Variants in CA8 observed in about 807,000 individuals in gnomAD.
CA8 encodes the protein carbonic anhydrase-related protein.
In CA8, 22 loss-of-function variants were observed where a neutral mutation model predicts 41.4. The observed-to-expected ratio is 0.53, with a 90% CI of 0.38 to 0.76. The LOEUF is 0.76. Ranked by LOEUF, CA8 falls within the 30% of genes least tolerant of loss-of-function variation. The pLI is 0.00. For missense variants in CA8, 270 were observed against 352.8 expected, an observed-to-expected ratio of 0.77 and a Z score of 1.88; for synonymous variants, 121 against 130.6, an observed-to-expected ratio of 0.93 and a Z score of 0.50.
At chr8:60,225,551 C>A (rs1563354771) in intron 5 of CA8, among the ~76,000 whole-genome samples, 1 of 152,184 alleles carries the variant, frequency 6.6e-6, no homozygotes, top group Non-Finnish European at 1.5e-5. Flanking sequence ...CTGGGCATCC[C>A]TTGGAAGCTG....
chr8:60,188,823 T>C lies in CA8; in HGVS notation c.*1198A>G, dbSNP rs1806034053. 6.6e-6 allele frequency: 1 copy of C among 152,192 alleles called. No individual in the cohort carries two copies. The highest frequency in any genetic ancestry group is 2.1e-4 in the South Asian group (1 of 4,832). The allele number at this position is 152,192 out of a possible 1,614,324, so 9.4% of individuals were successfully genotyped here. A position where few individuals can be genotyped will look rare whatever the true frequency, so the allele number is the denominator to read the frequency against. ...TGTGATTTTCATTTGTATTTAATGCTTCCATTATTACCGTCTCTACTCAAC... is the reference window on the plus strand; with the variant it reads ...TGTGATTTTCATTTGTATTTAATGCCTCCATTATTACCGTCTCTACTCAAC... On this transcript the variant is annotated 3_prime_UTR_variant, in exon 9 of 9. Transcript: ENST00000317995.
At chr8:60,227,292 CAAAAA>C (rs879675312) in intron 4 of CA8, among the ~76,000 whole-genome samples, 2 of 138,130 alleles carry the variant, frequency 1.4e-5, no homozygotes, top group Admixed American at 7.2e-5. Context: ...GACTCTGTCT[CAAAAA>C]AAAAAAACTA....
intron 2 of CA8, among the ~76,000 whole-genome samples, chr8:60,273,999 G>T (rs1370420850): frequency 2.0e-5 from 3 of 152,046 alleles, no homozygotes. Flanking sequence ...AACCTTTTTG[G>T]CAATTATTTA....
At chr8:60,202,204 C>T (rs1806452980) in intron 8 of CA8, among the ~76,000 whole-genome samples, 1 of 150,200 alleles carries the variant, frequency 6.7e-6, no homozygotes, top group Non-Finnish European at 1.5e-5. Flanking sequence ...CCACCATTCC[C>T]AGCTAATTTT....
chr8:60,220,408 T>C (rs543219958), intron 7 of CA8, among the ~76,000 whole-genome samples: 45 of 152,214 alleles, frequency 3.0e-4, no homozygotes, highest in African/African-American at 1.1e-3. Context: ...CAAGCTGAGA[T>C]CCAGAATTTA....
At chr8:60,219,377 C>T (rs1269453963) in intron 7 of CA8, among the ~76,000 whole-genome samples, 4 of 152,118 alleles carry the variant, frequency 2.6e-5, no homozygotes, top group African/African-American at 7.2e-5. Context: ...AGGCTGGTCT[C>T]GAACTCCTGA....
intron 3 of CA8, among the ~76,000 whole-genome samples, chr8:60,234,250 A>G (rs1807754970): frequency 6.6e-6 from 1 of 152,232 alleles, no homozygotes; most frequent in African/African-American, 2.4e-5. Flanking sequence ...CAAGGTCATC[A>G]GAAACAAGGA....
chr8:60,218,219 C>CT (rs1310610585), intron 7 of CA8, among the ~76,000 whole-genome samples: 1 of 152,210 alleles, frequency 6.6e-6, no homozygotes, highest in African/African-American at 2.4e-5. Context: ...TTCTAGATAA[C>CT]TAGCTCTCAT....
chr8:60,219,260 G>A (rs1414479226), intron 7 of CA8, among the ~76,000 whole-genome samples: 2 of 151,704 alleles, frequency 1.3e-5, no homozygotes, highest in African/African-American at 4.8e-5. Flanking sequence ...CCGGGTTCAA[G>A]CAATTCTCCT....
intron 2 of CA8, among the ~76,000 whole-genome samples, chr8:60,276,054 A>G (rs888877037): frequency 6.6e-6 from 1 of 152,248 alleles, no homozygotes; most frequent in African/African-American, 2.4e-5. Context: ...CCAAGCATGT[A>G]GCCCTCACTT....
At chr8:60,231,373 C>G (rs1051937877) in intron 4 of CA8, among the ~76,000 whole-genome samples, 9 of 152,052 alleles carry the variant, frequency 5.9e-5, no homozygotes, top group African/African-American at 2.2e-4. Context: ...TACTTTCAAA[C>G]ATCAATAAAG....
chr8:60,260,501 C>G (rs1803697415), intron 3 of CA8, among the ~76,000 whole-genome samples: 1 of 152,170 alleles, frequency 6.6e-6, no homozygotes, highest in Admixed American at 6.5e-5. Context: ...AAGGACAAAG[C>G]CCATTGTGTT....
At chr8:60,255,343 A>G (rs1486451440) in intron 3 of CA8, among the ~76,000 whole-genome samples, 1 of 151,698 alleles carries the variant, frequency 6.6e-6, no homozygotes, top group Non-Finnish European at 1.5e-5. Flanking sequence ...GCCACAATAG[A>G]GGTGATGTTT....
intron 3 of CA8, 148 bp from the exon 4 acceptor site, chr8:60,232,527 G>A: frequency 8.4e-6 from 6 of 714,440 alleles, no homozygotes; most frequent in South Asian, 4.4e-5. Flanking sequence ...GGCTTAATAC[G>A]AGTTCTCTGT....
intron 3 of CA8, among the ~76,000 whole-genome samples, chr8:60,253,548 C>A (rs1808521545): frequency 6.6e-6 from 1 of 152,110 alleles, no homozygotes; most frequent in Admixed American, 6.5e-5. Flanking sequence ...ATTCCACCAC[C>A]CTAGTCCACT....
intron 3 of CA8, among the ~76,000 whole-genome samples, chr8:60,254,161 T>C (rs1055843041): frequency 2.6e-5 from 4 of 152,258 alleles, no homozygotes; most frequent in African/African-American, 9.6e-5. Flanking sequence ...AACACAAATG[T>C]TGTTTTTTTA....
In CA8 at chr8:60,239,625, G is replaced by A. The variant is rs181093707; in HGVS notation, c.418-7246C>T. ...TTGGACAAGCTTGCCCTAGAGAAAT[G>A]TGACCTTGTAGAGTTGGTTCACTCA... On this transcript the variant is annotated intron_variant, in intron 3 of 8. Transcript: ENST00000317995. Among the ~76,000 whole-genome samples the A allele has an allele frequency of 3.6e-3, 541 of 152,354 alleles. 3 individuals are homozygous for A. Among genetic ancestry groups the A allele is most frequent in the African/African-American group, 0.011 (477 of 41,582 alleles).
intron 5 of CA8, among the ~76,000 whole-genome samples, chr8:60,225,331 C>A (rs183280833): frequency 5.7e-4 from 87 of 152,190 alleles, no homozygotes; most frequent in East Asian, 3.9e-4. Context: ...AAAGTTATTG[C>A]ATAACCTCCA....
At chr8:60,218,374 T>A (rs1262470058) in intron 7 of CA8, among the ~76,000 whole-genome samples, 1 of 151,756 alleles carries the variant, frequency 6.6e-6, no homozygotes, top group Middle Eastern at 3.2e-3. Flanking sequence ...TCTTTGAGAG[T>A]GTCTTTTTTA....
Sources: allele counts gnomAD v4.1 joint callset (sites outside exome capture counted in the v4.1 genomes callset), GRCh38; gene constraint gnomAD v4.1.1; transcripts MANE v1.5; gene names NCBI Gene and HGNC (gene_info 2026-07-23, HGNC 2026-07-21).